The following ATRNL1 variants were observed in gnomAD, a reference collection of about 807,000 sequenced individuals.
ATRNL1 encodes the protein attractin-like protein 1.
ATRNL1 carries 95 observed loss-of-function variants against 182.7 expected under a neutral mutation model. The ratio of observed to expected loss-of-function variants is 0.52; its 90% CI spans 0.44 to 0.62. The LOEUF (loss-of-function observed/expected upper bound fraction) is 0.62, where lower values mean the gene tolerates loss of function less well. Among genes scored for constraint, ATRNL1 ranks in the 20% least tolerant of loss-of-function variants. The pLI is 0.00. For missense variants in ATRNL1, 1,471 were observed against 1,679.5 expected, an observed-to-expected ratio of 0.88 and a Z score of 2.17; for synonymous variants, 576 against 568.3, an observed-to-expected ratio of 1.01 and a Z score of -0.19.
Position 115,302,173 on chromosome 10 carries a change from A to G in ATRNL1, c.2818+130A>G, listed in dbSNP as rs1753435835. The G allele has an allele frequency of 5.9e-6, 5 of 841,890 alleles. No homozygotes were observed. In the East Asian group the frequency reaches 1.3e-4, roughly 22 times the overall value. 52.2% of individuals were successfully genotyped at this position (841,890 alleles called of 1,614,324 possible). On this transcript the variant is annotated intron_variant, in intron 17 of 28. Transcript: ENST00000355044. ...AAAAATATTGTTACGGCTACTTTTGAAACCAACTGGTACTGTTAACCTCTG... is the reference window on the plus strand; with the variant it reads ...AAAAATATTGTTACGGCTACTTTTGGAACCAACTGGTACTGTTAACCTCTG...
intron 15 of ATRNL1, among the ~76,000 whole-genome samples, chr10:115,289,383 T>C (rs1852783786): frequency 1.3e-5 from 2 of 152,228 alleles, no homozygotes; most frequent in Admixed American, 1.3e-4. Context: ...GCTTTTTATT[T>C]TTATTTAATA....
intron 27 of ATRNL1, among the ~76,000 whole-genome samples, chr10:115,767,642 T>C (rs570785735): frequency 6.6e-6 from 1 of 152,320 alleles, no homozygotes; most frequent in Non-Finnish European, 1.5e-5. Flanking sequence ...TTTTTCTCCC[T>C]AGAATTTTCT....
chr10:115,852,703 C>T (rs1427377150), intron 28 of ATRNL1, among the ~76,000 whole-genome samples: 1 of 152,168 alleles, frequency 6.6e-6, no homozygotes, highest in Non-Finnish European at 1.5e-5. Context: ...GATACTGGGG[C>T]ATAGCCCTTA....
intron 26 of ATRNL1, among the ~76,000 whole-genome samples, chr10:115,571,319 G>C (rs1854378956): frequency 6.6e-6 from 1 of 152,130 alleles, no homozygotes; most frequent in Non-Finnish European, 1.5e-5. Context: ...GAGTGATGAA[G>C]AATTTCTATC....
At chr10:115,267,489 T>C (rs1421755485) in intron 12 of ATRNL1, among the ~76,000 whole-genome samples, 1 of 151,930 alleles carries the variant, frequency 6.6e-6, no homozygotes, top group Non-Finnish European at 1.5e-5. Flanking sequence ...ATGAGACTTA[T>C]GAAAAGTTAC....
chr10:115,760,440 C>T (rs1355321790), intron 27 of ATRNL1, among the ~76,000 whole-genome samples: 3 of 151,932 alleles, frequency 2.0e-5, no homozygotes, highest in Non-Finnish European at 4.4e-5. Context: ...TAATTTTAAA[C>T]ATTCCTAAAT....
intron 5 of ATRNL1, among the ~76,000 whole-genome samples, chr10:115,149,801 T>TA (rs1385316171): frequency 1.6e-4 from 25 of 152,056 alleles, no homozygotes; most frequent in African/African-American, 5.8e-4. Flanking sequence ...CTTTTTTTGT[T>TA]ACTTTAATAT....
At chr10:115,845,359 T>C (rs1950903433) in intron 27 of ATRNL1, among the ~76,000 whole-genome samples, 1 of 152,050 alleles carries the variant, frequency 6.6e-6, no homozygotes, top group African/African-American at 2.4e-5. Context: ...AGAAGTAGCT[T>C]TTATGCAGGC....
chr10:115,379,767 C>T (rs1317114585), intron 19 of ATRNL1, among the ~76,000 whole-genome samples: 1 of 152,146 alleles, frequency 6.6e-6, no homozygotes, highest in Non-Finnish European at 1.5e-5. Flanking sequence ...ACAGCTAATT[C>T]TACAAACTTA....
chr10:115,686,726 T>C (rs1354616203), intron 26 of ATRNL1, among the ~76,000 whole-genome samples: 1 of 152,046 alleles, frequency 6.6e-6, no homozygotes, highest in Non-Finnish European at 1.5e-5. Context: ...AATTCATGTT[T>C]CACACTCTTA....
chr10:115,788,796 C>G (rs905245577), intron 27 of ATRNL1, among the ~76,000 whole-genome samples: 2 of 152,182 alleles, frequency 1.3e-5, no homozygotes, highest in Non-Finnish European at 2.9e-5. Context: ...AATCTATAAG[C>G]AACCTCCTGT....
chr10:115,596,126 A>C (rs1176968799), intron 26 of ATRNL1, among the ~76,000 whole-genome samples: 1 of 151,948 alleles, frequency 6.6e-6, no homozygotes, highest in Non-Finnish European at 1.5e-5. Context: ...TTTTTTTGAG[A>C]CTGAGTTTTG....
chr10:115,859,354 TA>T (rs1367430973), intron 28 of ATRNL1, among the ~76,000 whole-genome samples: 1 of 152,036 alleles, frequency 6.6e-6, no homozygotes, highest in Non-Finnish European at 1.5e-5. Flanking sequence ...ACCTTGGTTG[TA>T]GTCCCTGCTC....
intron 27 of ATRNL1, among the ~76,000 whole-genome samples, chr10:115,770,945 A>G (rs1366635032): frequency 6.6e-6 from 1 of 152,148 alleles, no homozygotes; most frequent in Non-Finnish European, 1.5e-5. Flanking sequence ...CTTGAAAAGT[A>G]TATATCTACT....
At chr10:115,684,542 C>T (rs1463605736) in intron 26 of ATRNL1, among the ~76,000 whole-genome samples, 2 of 150,676 alleles carry the variant, frequency 1.3e-5, no homozygotes, top group East Asian at 3.9e-4. Flanking sequence ...AATAATATTA[C>T]TGAGACTTTG....
At chr10:115,778,530 A>G (rs1949185290) in intron 27 of ATRNL1, among the ~76,000 whole-genome samples, 1 of 152,176 alleles carries the variant, frequency 6.6e-6, no homozygotes, top group Non-Finnish European at 1.5e-5. Context: ...GAGTAAAGAA[A>G]GGGATAAGAA....
At chr10:115,639,598 C>T (rs1279525838) in intron 26 of ATRNL1, among the ~76,000 whole-genome samples, 2 of 152,108 alleles carry the variant, frequency 1.3e-5, no homozygotes, top group African/African-American at 2.4e-5. Flanking sequence ...ACACTTCATT[C>T]TAAGTGGAAA....
chr10:115,291,735 G>A (rs1852914491), intron 15 of ATRNL1, among the ~76,000 whole-genome samples: 1 of 149,066 alleles, frequency 6.7e-6, no homozygotes, highest in Non-Finnish European at 1.5e-5. Flanking sequence ...GTATTGTTCT[G>A]ATATTGTTGG....
At chr10:115,223,387 T>G (rs183207370) in intron 9 of ATRNL1, among the ~76,000 whole-genome samples, 24 of 152,296 alleles carry the variant, frequency 1.6e-4, no homozygotes, top group Admixed American at 3.3e-4. Flanking sequence ...CATCTGCTGC[T>G]TAGAAAAGAT....
Sources: gnomAD v4.1 joint callset for allele counts (sites outside exome capture counted in the v4.1 genomes callset) on GRCh38, gnomAD v4.1.1 for gene constraint, MANE v1.5 for transcripts, NCBI Gene and HGNC (gene_info 2026-07-23, HGNC 2026-07-21) for gene names.